Variants in ZNF417 observed in about 807,000 individuals in gnomAD.
The protein encoded by ZNF417 is zinc finger protein 417.
A neutral mutation model predicts 7.4 loss-of-function variants in ZNF417; 5 were observed. That is an observed-to-expected ratio of 0.68 (90% CI 0.35 to 1.43). The LOEUF (loss-of-function observed/expected upper bound fraction) is 1.43, where lower values mean the gene tolerates loss of function less well. Ranked by LOEUF, ZNF417 falls within the 40% of genes most tolerant of loss-of-function variation. The pLI, the probability that ZNF417 is intolerant of heterozygous loss-of-function variation, is 0.04. For missense variants in ZNF417, 437 were observed against 697.3 expected (o/e 0.63, Z 4.20); for synonymous variants, 147 against 239.1 (o/e 0.61, Z 3.55).
At chr19:57,914,421 G>T (rs992855255) in intron 1 of ZNF417, among the ~76,000 whole-genome samples, 1 of 142,006 alleles carries the variant, frequency 7.0e-6, no homozygotes, top group Non-Finnish European at 1.5e-5. Flanking sequence ...GGGAGGCAGA[G>T]GTTCCAGTGA....
chr19:57,914,175 TATC>T (rs917511312), intron 1 of ZNF417, among the ~76,000 whole-genome samples: 1 of 152,120 alleles, frequency 6.6e-6, no homozygotes, highest in Non-Finnish European at 1.5e-5. Flanking sequence ...TTCATGCCCT[TATC>T]ATCCGCATTA....
Position 57,908,876 on chromosome 19 carries a change from C to T in ZNF417, c.1402G>A (p.Val468Ile). The T allele has an allele frequency of 2.5e-6, 4 of 1,614,088 alleles. No individual in the cohort carries two copies. Among genetic ancestry groups the T allele is most frequent in the Non-Finnish European group, 3.4e-6 (4 of 1,180,028 alleles). Residue 468 changes from valine to isoleucine, a missense_variant, in exon 3 of 3, where the codon GTA becomes ATA. Transcript: ENST00000312026. ...HTGERPYACE[V>I]CGKLFGNKNC... ...TTATTACCAAATAATTTCCCACATA[C>T]CTCACACGCATATGGCCTTTCTCCA... is the stretch of plus-strand genomic sequence containing the variant.
In ZNF417 at chr19:57,906,303, ATGTATGTGCC is replaced by A. The variant is rs1367896934; in HGVS notation, c.*2237_*2246del. On this transcript the variant is annotated 3_prime_UTR_variant, in exon 3 of 3. Transcript: ENST00000312026. ...ACTGAGAATGAAGTATCACTATTTC[ATGTATGTGCC>A]TGTATGTGCTTATATAACATGCTGT... Among the ~76,000 whole-genome samples, 4 of 152,324 alleles carry A rather than the reference ATGTATGTGCC, an allele frequency of 2.6e-5. No individual in the cohort carries two copies. Among genetic ancestry groups the A allele is most frequent in the Non-Finnish European group, 5.9e-5 (4 of 68,030 alleles).
intron 1 of ZNF417, chr19:57,915,460 T>C: frequency 4.1e-6 from 2 of 484,588 alleles, no homozygotes; most frequent in South Asian, 1.8e-5. Flanking sequence ...CGCCCCTCCC[T>C]GTGCTTGTTG....
At position 57,907,263 on chromosome 19, in the gene ZNF417, A is replaced by G. The variant is rs1028405463; in HGVS notation, c.*1287T>C. On this transcript the variant is annotated 3_prime_UTR_variant, in exon 3 of 3. Coordinates refer to ENST00000312026, the MANE Select transcript of ZNF417 (RefSeq NM_152475.3). ...ACAGGAAGTTTTAACTCTTGTATCC[A>G]TGAAGCATCTTAGTAAAATAACAGA... 1 of 152,344 alleles carries G rather than the reference A, an allele frequency of 6.6e-6. No homozygotes were observed. The highest frequency in any genetic ancestry group is 6.5e-5 in the Admixed American group (1 of 15,286). The allele number at this position is 152,344 out of a possible 1,614,324, so 9.4% of individuals were successfully genotyped here. A position where few individuals can be genotyped will look rare whatever the true frequency, so the allele number is the denominator to read the frequency against.
intron 1 of ZNF417, among the ~76,000 whole-genome samples, chr19:57,914,345 G>A (rs951919907): frequency 1.3e-5 from 2 of 151,864 alleles, no homozygotes; most frequent in African/African-American, 4.8e-5. Flanking sequence ...AATTAGCTGG[G>A]CGTGGTGGCA....
chr19:57,910,135 G>A, intron 2 of ZNF417, 21 bp from the exon 3 acceptor site: 1 of 1,603,598 alleles, frequency 6.2e-7, no homozygotes, highest in Non-Finnish European at 8.5e-7. Context: ...GAAAATGCTG[G>A]TCAAGTGCAA....
rs980723642 is a variant in ZNF417, at chr19:57,907,891, T to C, written c.*659A>G. ...GATGAATGACGTTACCCATGGAGAATGAAGTAAGTAGCTAGAAGACAAAAG... is the reference window on the plus strand; with the variant it reads ...GATGAATGACGTTACCCATGGAGAACGAAGTAAGTAGCTAGAAGACAAAAG... On this transcript the variant is annotated 3_prime_UTR_variant, in exon 3 of 3. Transcript: ENST00000312026. The C allele has an allele frequency of 3.9e-5, 6 of 152,760 alleles. No individual in the cohort carries two copies. Among genetic ancestry groups the C allele is most frequent in the African/African-American group, 1.2e-4 (5 of 41,432 alleles). 9.5% of individuals were successfully genotyped at this position (152,760 alleles called of 1,614,324 possible). A position where few individuals can be genotyped will look rare whatever the true frequency, so the allele number is the denominator to read the frequency against.
rs774761964 is a variant in ZNF417 at position 57,908,594 on chromosome 19, T to C, written c.1684A>G (p.Thr562Ala). ...KCGKTFQRSS[T>A]LLHHQSSHRR... ...TGTGAACTCTGATGATGAAGGAGGG[T>C]AGAGCTTCGCTGAAATGTTTTTCCA... The change falls in exon 3 of 3, where the codon ACC becomes GCC. Residue 562 changes from threonine to alanine, a missense_variant. Coordinates refer to ENST00000312026, the MANE Select transcript of ZNF417 (RefSeq NM_152475.3). 10 of 1,613,484 alleles carry C rather than the reference T, an allele frequency of 6.2e-6. No individual in the cohort carries two copies. Among genetic ancestry groups the C allele is most frequent in the Non-Finnish European group, 8.5e-6 (10 of 1,179,964 alleles).
intron 1 of ZNF417, chr19:57,915,638 G>C (rs1341824920): frequency 2.7e-6 from 1 of 370,736 alleles, no homozygotes; most frequent in Non-Finnish European, 4.8e-6. Context: ...AATTAACTTA[G>C]GGAAGGAATT....
chr19:57,908,428 G>C lies in ZNF417; in HGVS notation c.*122C>G, dbSNP rs2071856889. On this transcript the variant is annotated 3_prime_UTR_variant, in exon 3 of 3. Transcript: ENST00000312026. ...CAATGCGAAGTCTCTTAAGACCAAG[G>C]AGAGCAGACATTCTGATGTTTCCCA... 6 of 1,553,088 alleles carry C rather than the reference G, an allele frequency of 3.9e-6. No individual in the cohort carries two copies. The highest frequency in any genetic ancestry group is 5.3e-6 in the Non-Finnish European group (6 of 1,136,558).
intron 1 of ZNF417, 42 bp from the exon 2 acceptor site, chr19:57,912,231 G>T (rs1211383067): frequency 6.8e-6 from 11 of 1,611,032 alleles, no homozygotes; most frequent in Non-Finnish European, 9.3e-6. Context: ...CCCCTCTGCT[G>T]AGGTACCACA....
chr19:57,912,240 C>A, intron 1 of ZNF417, 51 bp from the exon 2 acceptor site: 3 of 1,609,608 alleles, frequency 1.9e-6, no homozygotes, highest in Non-Finnish European at 1.7e-6. Flanking sequence ...TGAGGTACCA[C>A]AACCCACCTC....
intron 1 of ZNF417, 140 bp downstream of exon 1, chr19:57,916,233 GTTACAC>G: frequency 6.7e-7 from 1 of 1,495,376 alleles, no homozygotes; most frequent in African/African-American, 1.5e-5. Flanking sequence ...CCACTGGACA[GTTACAC>G]AGGGACCCCT....
At chr19:57,914,606 G>C (rs2071929997) in intron 1 of ZNF417, among the ~76,000 whole-genome samples, 1 of 151,526 alleles carries the variant, frequency 6.6e-6, no homozygotes, top group African/African-American at 2.4e-5. Flanking sequence ...ACCCTCACCT[G>C]GATTATGGCA....
rs570291432 is a variant in ZNF417 at position 57,905,954 on chromosome 19, G to C, written c.*2596C>G. ...GAAAGTTTTGCCTATATAAACTGTA[G>C]TTTATGAAGAAAAAAGTTTTGTTTT... On this transcript the variant is annotated 3_prime_UTR_variant, in exon 3 of 3. Transcript: ENST00000312026. Among the ~76,000 whole-genome samples, 1 of 150,914 alleles carries C rather than the reference G, an allele frequency of 6.6e-6. No homozygotes were observed. The highest frequency in any genetic ancestry group is 2.0e-4 in the East Asian group (1 of 5,116).
At position 57,906,774 on chromosome 19, in the gene ZNF417, A is replaced by AAG. The variant is rs1464356701; in HGVS notation, c.*1775_*1776insCT. 1 of 148,156 alleles carries AAG rather than the reference A, an allele frequency of 6.7e-6. No individual in the cohort carries two copies. Among genetic ancestry groups the AAG allele is most frequent in the Non-Finnish European group, 1.5e-5 (1 of 67,032 alleles). The allele number at this position is 148,156 out of a possible 1,614,324, so 9.2% of individuals were successfully genotyped here. On this transcript the variant is annotated 3_prime_UTR_variant, in exon 3 of 3. Coordinates refer to ENST00000312026, the MANE Select transcript of ZNF417 (RefSeq NM_152475.3). Reference sequence around the variant, plus strand: ...AGACTCTGTCTCAAAAAAAAAAAAAAAAAAAAATTTAGGGATAATATCTAA... The same window carrying AAG: ...AGACTCTGTCTCAAAAAAAAAAAAAAAGAAAAAAATTTAGGGATAATATCTAA...
Position 57,908,693 on chromosome 19 carries a change from A to C in ZNF417, c.1585T>G (p.Phe529Val). ...PYKCSECGKS[F>V]AECSSLIKHR... ...TTAATGAGACTGGAACATTCAGCAAAGGATTTTCCACATTCACTGCACTTA... is the reference window on the plus strand; with the variant it reads ...TTAATGAGACTGGAACATTCAGCAACGGATTTTCCACATTCACTGCACTTA... Residue 529 changes from phenylalanine (F) to valine (V), a missense_variant, in exon 3 of 3, where the codon TTT becomes GTT. Around this residue, in one of 5 missense-constraint regions of ZNF417, gnomAD observed 233 missense variants for 235.5 expected, o/e 0.99. Transcript: ENST00000312026. The C allele has an allele frequency of 1.2e-6, 2 of 1,614,146 alleles. No individual in the cohort carries two copies. The highest frequency in any genetic ancestry group is 1.7e-6 in the Non-Finnish European group (2 of 1,180,040).
rs1378024570 is a variant in ZNF417, at chr19:57,905,879, T to C, written c.*2671A>G. ...AACTTCATAAGAGAATTAACAAAAGTTGTATTAATTCAAGACAAGAGCCTG... is the reference window on the plus strand; with the variant it reads ...AACTTCATAAGAGAATTAACAAAAGCTGTATTAATTCAAGACAAGAGCCTG... On this transcript the variant is annotated 3_prime_UTR_variant, in exon 3 of 3. Transcript: ENST00000312026. Among the ~76,000 whole-genome samples, 11 of 152,208 alleles carry C rather than the reference T, an allele frequency of 7.2e-5. No individual in the cohort carries two copies. The highest frequency in any genetic ancestry group is 1.3e-4 in the Admixed American group (2 of 15,278).
Sources: gnomAD v4.1 joint callset for allele counts (sites outside exome capture counted in the v4.1 genomes callset) on GRCh38, gnomAD v4.1.1 for gene constraint, gnomAD v4.1.1 regional missense constraint, MANE v1.5 for transcripts, NCBI Gene and HGNC (gene_info 2026-07-23, HGNC 2026-07-21) for gene names.